Variants in RBFOX3 observed in about 807,000 individuals in gnomAD.
The protein encoded by RBFOX3 is RNA binding protein fox-1 homolog 3.
In RBFOX3, 17 loss-of-function variants were observed where a neutral mutation model predicts 48.7. The observed-to-expected ratio is 0.35, with a 90% CI of 0.24 to 0.52. RBFOX3 has a LOEUF of 0.52. Ranked by LOEUF, RBFOX3 falls within the 20% of genes least tolerant of loss-of-function variation. The pLI is 0.94. For synonymous variants in RBFOX3, 212 were observed against 209.5 expected (o/e 1.01, Z -0.10); for missense variants, 382 against 497.5 (o/e 0.77, Z 2.21).
At chr17:79,293,961 G>C (rs374235931) in intron 3 of RBFOX3, among the ~76,000 whole-genome samples, 1 of 152,132 alleles carries the variant, frequency 6.6e-6, no homozygotes, top group Non-Finnish European at 1.5e-5. Flanking sequence ...AAAGAGCCTC[G>C]GCCAGCATGG....
At chr17:79,227,600 C>A (rs1021769548) in intron 4 of RBFOX3, among the ~76,000 whole-genome samples, 5 of 152,154 alleles carry the variant, frequency 3.3e-5, no homozygotes, top group Non-Finnish European at 7.4e-5. Context: ...TGGGGGATGG[C>A]GGCGTGGGGA....
At chr17:79,178,625 C>T (rs1568291090) in intron 4 of RBFOX3, among the ~76,000 whole-genome samples, 1 of 152,174 alleles carries the variant, frequency 6.6e-6, no homozygotes, top group African/African-American at 2.4e-5. Flanking sequence ...GAACAAACGT[C>T]AGCTGCCAAG....
At chr17:79,356,763 G>A (rs115272009) in intron 2 of RBFOX3, among the ~76,000 whole-genome samples, 1,601 of 152,078 alleles carry the variant, frequency 0.011, 25 homozygotes, top group African/African-American at 0.037. Flanking sequence ...CCTAAAATAT[G>A]TCCAGAGAGA....
the RBFOX3 span, among the ~76,000 whole-genome samples, chr17:79,648,924 A>G: frequency 6.6e-6 from 1 of 150,744 alleles, no homozygotes; most frequent in Non-Finnish European, 1.5e-5. Flanking sequence ...TCCAGATGCC[A>G]TGGCCACAGG....
chr17:79,446,102 G>C (rs2072235392), intron 2 of RBFOX3, among the ~76,000 whole-genome samples: 1 of 152,186 alleles, frequency 6.6e-6, no homozygotes, highest in South Asian at 2.1e-4. Context: ...TGCCCTGAAG[G>C]GTAGGGGACC....
intron 1 of RBFOX3, among the ~76,000 whole-genome samples, chr17:79,527,743 C>T (rs1181531600): frequency 6.6e-6 from 1 of 152,190 alleles, no homozygotes; most frequent in Non-Finnish European, 1.5e-5. Flanking sequence ...GATGATGCAA[C>T]TTTATTTTTG....
At chr17:79,556,686 G>A (rs925375578) in intron 1 of RBFOX3, among the ~76,000 whole-genome samples, 2 of 152,164 alleles carry the variant, frequency 1.3e-5, no homozygotes, top group East Asian at 1.9e-4. Context: ...AAGAAAAGAC[G>A]GGCAAAATAT....
rs1283843005 is a variant in RBFOX3, at chr17:79,198,061, T to C, written c.-34+37705A>G. Among the ~76,000 whole-genome samples the C allele has an allele frequency of 7.2e-6, 1 of 139,832 alleles. No individual in the cohort carries two copies. The highest frequency in any genetic ancestry group is 1.5e-5 in the Non-Finnish European group (1 of 65,374). 91.7% of individuals were successfully genotyped at this position (139,832 alleles called of 152,430 possible). Reference sequence around the variant, plus strand: ...GCCTCTGTCTGCGTCAGGAGAGTCGTGTGGGGTGGGCTTGTCATCCCGGAA... The same window carrying C: ...GCCTCTGTCTGCGTCAGGAGAGTCGCGTGGGGTGGGCTTGTCATCCCGGAA... On this transcript the variant is annotated intron_variant, in intron 4 of 14. Coordinates refer to ENST00000693108, the MANE Select transcript of RBFOX3 (RefSeq NM_001350451.2). The surrounding 1 kb of genome is among the most constrained non-coding windows in gnomAD (Gnocchi z 8.2).
At chr17:79,366,015 A>G (rs1460099623) in intron 2 of RBFOX3, among the ~76,000 whole-genome samples, 2 of 152,272 alleles carry the variant, frequency 1.3e-5, no homozygotes, top group Admixed American at 6.5e-5. Context: ...CCAGGAGGGC[A>G]GCACACAGGG....
In RBFOX3 at chr17:79,565,341, CT is replaced by C. The variant is rs1270878476; in HGVS notation, c.-320+45484del. Among the ~76,000 whole-genome samples the C allele has an allele frequency of 9.5e-3, 1,317 of 137,992 alleles. 2 individuals carry two copies. Among genetic ancestry groups the C allele is most frequent in the East Asian group, 0.018 (88 of 4,826 alleles). 90.5% of individuals were successfully genotyped at this position (137,992 alleles called of 152,430 possible). On this transcript the variant is annotated intron_variant, in intron 1 of 14. Coordinates refer to ENST00000693108, the MANE Select transcript of RBFOX3 (RefSeq NM_001350451.2). ...GAAGCAAACAATACATTTAGGACAT[CT>C]TTTTTTTTTTTTTTTGAGACAGAGA...
intron 2 of RBFOX3, among the ~76,000 whole-genome samples, chr17:79,475,721 G>A (rs370189524): frequency 7.9e-5 from 12 of 152,164 alleles, no homozygotes; most frequent in South Asian, 6.2e-4. Flanking sequence ...GGTCGTGCGC[G>A]ACAGGATACA....
At chr17:79,184,200 C>T (rs938922821) in intron 4 of RBFOX3, among the ~76,000 whole-genome samples, 7 of 152,182 alleles carry the variant, frequency 4.6e-5, no homozygotes, top group African/African-American at 1.7e-4. Context: ...CCAGAGCCTC[C>T]AGGAGCGTCT....
At chr17:79,509,136 G>A (rs2083669236) in intron 1 of RBFOX3, among the ~76,000 whole-genome samples, 2 of 151,902 alleles carry the variant, frequency 1.3e-5, no homozygotes, top group East Asian at 3.9e-4. Context: ...CCGGCCCTGG[G>A]GTCTAAATCA....
chr17:79,625,403 C>A, the RBFOX3 span, among the ~76,000 whole-genome samples: 1 of 152,194 alleles, frequency 6.6e-6, no homozygotes, highest in African/African-American at 2.4e-5. Context: ...ATTTGCTTAG[C>A]TGCTGTTGGT....
intron 2 of RBFOX3, among the ~76,000 whole-genome samples, chr17:79,456,136 AC>A (rs1438308795): frequency 6.6e-6 from 1 of 151,964 alleles, no homozygotes; most frequent in Non-Finnish European, 1.5e-5. Context: ...AGGACATCAC[AC>A]TGACAGGGTC....
intron 4 of RBFOX3, among the ~76,000 whole-genome samples, chr17:79,197,869 G>T (rs578060241): frequency 4.6e-5 from 7 of 152,196 alleles, no homozygotes; most frequent in African/African-American, 1.4e-4. Context: ...CAAGCAGGGA[G>T]CCGGAAACCC....
intron 4 of RBFOX3, among the ~76,000 whole-genome samples, chr17:79,125,227 G>A (rs1563867): frequency 0.35 from 53,807 of 151,960 alleles, 10,954 homozygotes; most frequent in African/African-American, 0.56. Context: ...GCTGTGGCTG[G>A]CTGTCTGAGC....
At chr17:79,113,862 G>A (rs1011607926) in intron 5 of RBFOX3, among the ~76,000 whole-genome samples, 1 of 149,148 alleles carries the variant, frequency 6.7e-6, no homozygotes, top group Admixed American at 6.7e-5. Flanking sequence ...GCAAATGTCT[G>A]CCGAGTGAAG....
chr17:79,217,106 G>T (rs566477317), intron 4 of RBFOX3, among the ~76,000 whole-genome samples: 1 of 152,162 alleles, frequency 6.6e-6, no homozygotes, highest in South Asian at 2.1e-4. Flanking sequence ...CTCCCCGCAC[G>T]GCCAAGCTGA....
Sources: allele counts gnomAD v4.1 joint callset (sites outside exome capture counted in the v4.1 genomes callset), GRCh38; gene constraint gnomAD v4.1.1; non-coding constraint Gnocchi (gnomAD v3.1); transcripts MANE v1.5; gene names NCBI Gene and HGNC (gene_info 2026-07-23, HGNC 2026-07-21).